Variants in DAB2IP observed in about 807,000 individuals in gnomAD.
DAB2IP encodes DAB2 interacting protein, also known as disabled homolog 2-interacting protein.
A neutral mutation model predicts 107.2 loss-of-function variants in DAB2IP; 28 were observed. The ratio of observed to expected loss-of-function variants is 0.26; its 90% CI spans 0.19 to 0.36. The LOEUF (loss-of-function observed/expected upper bound fraction) is 0.36. DAB2IP is among the 10% of genes least tolerant of loss of function. The pLI is 1.00. For missense variants in DAB2IP, 1,400 were observed against 1,644.7 expected, an observed-to-expected ratio of 0.85 and a Z score of 2.57; for synonymous variants, 755 against 706.4, an observed-to-expected ratio of 1.07 and a Z score of -1.09.
chr9:121,702,030 C>T lies in DAB2IP; in HGVS notation c.362+2572C>T, dbSNP rs192562484. 3.6e-3 allele frequency among the ~76,000 whole-genome samples: 555 copies of T among 152,228 alleles called. 8 individuals are homozygous for T. Among genetic ancestry groups the T allele is most frequent in the Non-Finnish European group, 2.9e-3 (196 of 68,018 alleles). ...AGGACGGTGGGGGCTTCTAGGGTGT[C>T]GAGCGGGAGTCCTGGTCCCCATGGC... On this transcript the variant is annotated intron_variant, in intron 3 of 15. Transcript: ENST00000408936. The surrounding 1 kb of genome is among the most constrained non-coding windows in gnomAD (Gnocchi z 4.5).
chr9:121,669,602 G>A lies in DAB2IP; in HGVS notation c.125-9076G>A, dbSNP rs577253995. The stretch of plus-strand genomic sequence containing the variant: ...AAGGCAGAGGCAAGTCTATAACTGT[G>A]TAGCTTGAGTCCTATCTCTAGGGAG... On this transcript the variant is annotated intron_variant, in intron 1 of 15. Transcript: ENST00000408936. 2.4e-4 allele frequency among the ~76,000 whole-genome samples: 37 copies of A among 152,320 alleles called. No homozygotes were observed. In the South Asian group the frequency reaches 7.2e-3, roughly 30 times the overall value.
At chr9:121,747,884 T>G (rs1023926256) in intron 3 of DAB2IP, among the ~76,000 whole-genome samples, 19 of 148,012 alleles carry the variant, frequency 1.3e-4, no homozygotes, top group African/African-American at 4.3e-4. Context: ...AAGAAAGAAA[T>G]AAGATGTGGA....
intron 14 of DAB2IP, among the ~76,000 whole-genome samples, chr9:121,777,459 TTGTG>T (rs781432348): frequency 3.9e-5 from 6 of 152,244 alleles, no homozygotes; most frequent in South Asian, 2.1e-4. Flanking sequence ...TTGGCTCACC[TTGTG>T]TGTGTTTCCA....
chr9:121,625,344 A>C (rs1411565814), intron 1 of DAB2IP, among the ~76,000 whole-genome samples: 1 of 149,838 alleles, frequency 6.7e-6, no homozygotes. Context: ...GGTTTAAGCG[A>C]TTCTTGCGCC....
intron 1 of DAB2IP, among the ~76,000 whole-genome samples, chr9:121,639,021 G>A (rs1278498716): frequency 6.6e-6 from 1 of 152,174 alleles, no homozygotes; most frequent in Non-Finnish European, 1.5e-5. Flanking sequence ...GAAGATAGGA[G>A]TAGGGCTGGG....
exon 16 of DAB2IP, chr9:121,783,864 G>C: frequency 4.6e-6 from 2 of 435,184 alleles, no homozygotes; most frequent in East Asian, 8.0e-5. Context: ...GGTCTCTCTC[G>C]GCCCCTGTCT....
At chr9:121,671,973 T>C (rs1833702003) in intron 1 of DAB2IP, among the ~76,000 whole-genome samples, 2 of 152,228 alleles carry the variant, frequency 1.3e-5, no homozygotes, top group African/African-American at 2.4e-5. Flanking sequence ...CTAGCACATA[T>C]GTGTTGTCGG....
At chr9:121,717,753 C>T (rs960399960) in intron 3 of DAB2IP, among the ~76,000 whole-genome samples, 5 of 152,188 alleles carry the variant, frequency 3.3e-5, no homozygotes, top group East Asian at 1.9e-4. Flanking sequence ...CCTTTGAGCA[C>T]CACCTCCCTC....
chr9:121,748,181 C>T (rs1832846883), intron 3 of DAB2IP, among the ~76,000 whole-genome samples: 1 of 152,186 alleles, frequency 6.6e-6, no homozygotes, highest in South Asian at 2.1e-4. Context: ...TCTGAAGTAG[C>T]TCAGCGTGTG....
intron 3 of DAB2IP, among the ~76,000 whole-genome samples, chr9:121,712,190 A>T (rs994717707): frequency 6.6e-6 from 1 of 152,204 alleles, no homozygotes; most frequent in African/African-American, 2.4e-5. Context: ...GTGTGTCCAC[A>T]TGGCTCCCAT....
At chr9:121,586,677 AG>A in intron 1 of DAB2IP, among the ~76,000 whole-genome samples, 1 of 152,026 alleles carries the variant, frequency 6.6e-6, no homozygotes, top group Non-Finnish European at 1.5e-5. Flanking sequence ...AAAATTAGCC[AG>A]GCAAGGTGGT....
intron 3 of DAB2IP, among the ~76,000 whole-genome samples, chr9:121,740,598 C>T (rs916346029): frequency 7.2e-5 from 11 of 152,210 alleles, no homozygotes; most frequent in Non-Finnish European, 1.5e-4. Flanking sequence ...CTAACCCTCA[C>T]CCCCAACAAC....
intron 1 of DAB2IP, among the ~76,000 whole-genome samples, chr9:121,591,384 G>A (rs956619731): frequency 1.3e-5 from 2 of 152,188 alleles, no homozygotes; most frequent in African/African-American, 4.8e-5. Context: ...CACAAGAATC[G>A]CTTGAAGCCA....
chr9:121,765,629 C>CT (rs1448605580), intron 8 of DAB2IP, among the ~76,000 whole-genome samples: 1 of 152,230 alleles, frequency 6.6e-6, no homozygotes, highest in Non-Finnish European at 1.5e-5. Flanking sequence ...GGGCTAGGGC[C>CT]TTGGTCAGAT....
chr9:121,619,096 T>C (rs1831372132), intron 1 of DAB2IP, among the ~76,000 whole-genome samples: 1 of 152,132 alleles, frequency 6.6e-6, no homozygotes, highest in African/African-American at 2.4e-5. Flanking sequence ...TGTTGGAAGG[T>C]GTGGCTCTTG....
chr9:121,606,363 CAAT>C (rs149009372), intron 1 of DAB2IP, among the ~76,000 whole-genome samples: 2 of 151,092 alleles, frequency 1.3e-5, no homozygotes, highest in Non-Finnish European at 1.5e-5. Context: ...GATTCTGTCT[CAAT>C]AATAATAATA....
exon 12 of DAB2IP, chr9:121,773,455 G>T: frequency 6.5e-7 from 1 of 1,536,870 alleles, no homozygotes; most frequent in Non-Finnish European, 8.7e-7. Flanking sequence ...TCCTCCAAGG[G>T]GGACAGCCCA....
intron 1 of DAB2IP, among the ~76,000 whole-genome samples, chr9:121,644,255 G>A (rs1832460367): frequency 6.6e-6 from 1 of 151,276 alleles, no homozygotes. Context: ...AAGGAAGGAA[G>A]GAGAAAGGAG....
chr9:121,642,572 CT>C (rs1431431269), intron 1 of DAB2IP, among the ~76,000 whole-genome samples: 4 of 139,536 alleles, frequency 2.9e-5, no homozygotes, highest in Non-Finnish European at 6.1e-5. Flanking sequence ...TGATCTTCCT[CT>C]CTTGGCCTTC....
Sources: gnomAD v4.1 joint callset for allele counts (sites outside exome capture counted in the v4.1 genomes callset) on GRCh38, gnomAD v4.1.1 for gene constraint, Gnocchi (gnomAD v3.1) non-coding constraint, MANE v1.5 for transcripts, NCBI Gene and HGNC (gene_info 2026-07-23, HGNC 2026-07-21) for gene names.